Variants in SUSD5 observed in about 807,000 individuals in gnomAD.
SUSD5 encodes sushi domain-containing protein 5.
SUSD5 carries 33 observed loss-of-function variants against 29.5 expected under a neutral mutation model. The ratio of observed to expected loss-of-function variants is 1.12; its 90% CI spans 0.85 to 1.49. SUSD5 has a LOEUF of 1.49. SUSD5 is among the 40% of genes most tolerant of loss of function. The pLI is 0.00. For synonymous variants in SUSD5, 308 were observed against 325.3 expected, an observed-to-expected ratio of 0.95 and a Z score of 0.57; for missense variants, 776 against 800.6, an observed-to-expected ratio of 0.97 and a Z score of 0.37.
At chr3:33,183,139 T>G (rs2031707148) in intron 3 of SUSD5, among the ~76,000 whole-genome samples, 1 of 152,216 alleles carries the variant, frequency 6.6e-6, no homozygotes. Flanking sequence ...TACAGTGGGT[T>G]TCTTATAGAC....
At chr3:33,164,258 T>C (rs748339274) in intron 4 of SUSD5, among the ~76,000 whole-genome samples, 3 of 152,174 alleles carry the variant, frequency 2.0e-5, no homozygotes, top group Non-Finnish European at 2.9e-5. Context: ...TACAGTGTGA[T>C]TCCACTTACA....
intron 1 of SUSD5, among the ~76,000 whole-genome samples, chr3:33,214,958 A>G (rs1322399347): frequency 1.3e-5 from 2 of 152,010 alleles, no homozygotes; most frequent in African/African-American, 2.4e-5. Flanking sequence ...TTTTCATAAT[A>G]TATCAGTGAT....
At chr3:33,175,197 G>A (rs1221585894) in intron 3 of SUSD5, 123 bp from the exon 4 acceptor site, 96 of 1,076,944 alleles carry the variant, frequency 8.9e-5, no homozygotes, top group Non-Finnish European at 1.2e-4. Flanking sequence ...GTGATCACAG[G>A]GGCTGTTTCT....
At chr3:33,193,112 G>A (rs977494328) in intron 3 of SUSD5, among the ~76,000 whole-genome samples, 4 of 152,134 alleles carry the variant, frequency 2.6e-5, no homozygotes, top group African/African-American at 9.7e-5. Context: ...AGTTGCAAGC[G>A]ATGAAGCTAT....
At position 33,198,638 on chromosome 3, in the gene SUSD5, C is replaced by T. The variant is rs187031603; in HGVS notation, c.409+9170G>A. On this transcript the variant is annotated intron_variant, in intron 3 of 4. Transcript: ENST00000309558. Reference sequence around the variant, plus strand: ...TATTCTCACCCCTGTATATCCAGCTCTTATCCCAATCTGTTCAGCCCTATC... The same window carrying T: ...TATTCTCACCCCTGTATATCCAGCTTTTATCCCAATCTGTTCAGCCCTATC... 6.6e-5 allele frequency among the ~76,000 whole-genome samples: 10 copies of T among 152,326 alleles called. 1 individual carries two copies. In the East Asian group the frequency reaches 1.7e-3, roughly 26 times the overall value.
intron 4 of SUSD5, among the ~76,000 whole-genome samples, chr3:33,166,160 T>G (rs1195346181): frequency 6.6e-6 from 1 of 152,060 alleles, no homozygotes; most frequent in Non-Finnish European, 1.5e-5. Context: ...CTAGAAAAAA[T>G]CCTCCTCCAG....
chr3:33,198,888 C>T (rs767115620), intron 3 of SUSD5, among the ~76,000 whole-genome samples: 2 of 152,078 alleles, frequency 1.3e-5, no homozygotes, highest in Non-Finnish European at 2.9e-5. Flanking sequence ...CCATATTTCA[C>T]CCACCCCGGG....
At chr3:33,207,115 C>T (rs2032236991) in intron 3 of SUSD5, among the ~76,000 whole-genome samples, 1 of 152,202 alleles carries the variant, frequency 6.6e-6, no homozygotes, top group South Asian at 2.1e-4. Flanking sequence ...TTTCTCCTCA[C>T]CACTCAGCTG....
At chr3:33,175,380 C>CCTA (rs2031529096) in intron 3 of SUSD5, among the ~76,000 whole-genome samples, 1 of 152,170 alleles carries the variant, frequency 6.6e-6, no homozygotes. Flanking sequence ...GAGATACATA[C>CCTA]CTAGCAGCAA....
chr3:33,155,519 T>C (rs2031030104), intron 4 of SUSD5, among the ~76,000 whole-genome samples: 1 of 152,180 alleles, frequency 6.6e-6, no homozygotes, highest in Non-Finnish European at 1.5e-5. Context: ...AAATTGAACA[T>C]ATGGATGCTC....
chr3:33,182,383 G>A (rs1329555427), intron 3 of SUSD5, among the ~76,000 whole-genome samples: 1 of 152,230 alleles, frequency 6.6e-6, no homozygotes, highest in Non-Finnish European at 1.5e-5. Context: ...AGCCTGAGAA[G>A]AATGTGTAAT....
intron 3 of SUSD5, among the ~76,000 whole-genome samples, chr3:33,178,435 GT>G (rs140737411): frequency 1.4e-5 from 2 of 147,382 alleles, no homozygotes; most frequent in Admixed American, 6.7e-5. Context: ...TTGGTCTGTA[GT>G]TTTTTTTTTG....
At chr3:33,154,911 T>C (rs2031015565) in intron 4 of SUSD5, among the ~76,000 whole-genome samples, 1 of 152,156 alleles carries the variant, frequency 6.6e-6, no homozygotes, top group Non-Finnish European at 1.5e-5. Context: ...TAACTGAATG[T>C]TAAAGTTTAT....
At chr3:33,154,306 TGAA>T (rs1261205566) in intron 4 of SUSD5, among the ~76,000 whole-genome samples, 23 of 152,264 alleles carry the variant, frequency 1.5e-4, no homozygotes, top group African/African-American at 5.1e-4. Flanking sequence ...GTGGATCACT[TGAA>T]GCCAGGAGTT....
intron 1 of SUSD5, among the ~76,000 whole-genome samples, chr3:33,215,216 GA>G (rs2032407010): frequency 6.6e-6 from 1 of 151,938 alleles, no homozygotes; most frequent in Non-Finnish European, 1.5e-5. Context: ...AATCCTTGAG[GA>G]AATTTTAAAC....
chr3:33,160,886 T>C (rs1414163694), intron 4 of SUSD5, among the ~76,000 whole-genome samples: 1 of 151,992 alleles, frequency 6.6e-6, no homozygotes, highest in Non-Finnish European at 1.5e-5. Context: ...CCATACCAAA[T>C]TAAAACTGCT....
At chr3:33,214,506 C>T (rs970186588) in intron 1 of SUSD5, among the ~76,000 whole-genome samples, 2 of 152,056 alleles carry the variant, frequency 1.3e-5, no homozygotes, top group African/African-American at 2.4e-5. Flanking sequence ...CTTCTGCCTC[C>T]CTCAGCCCTA....
intron 3 of SUSD5, among the ~76,000 whole-genome samples, chr3:33,175,530 T>G (rs762362044): frequency 6.6e-6 from 1 of 151,772 alleles, no homozygotes; most frequent in Non-Finnish European, 1.5e-5. Context: ...CGTTATCAGT[T>G]TGGTATACAC....
intron 2 of SUSD5, 136 bp from the exon 3 acceptor site, chr3:33,208,062 G>A (rs2032255758): frequency 3.2e-6 from 2 of 630,656 alleles, no homozygotes. Context: ...GCATAAATCT[G>A]GACACATTCT....
Sources: gnomAD v4.1 joint callset for allele counts (sites outside exome capture counted in the v4.1 genomes callset) on GRCh38, gnomAD v4.1.1 for gene constraint, MANE v1.5 for transcripts, NCBI Gene and HGNC (gene_info 2026-07-23, HGNC 2026-07-21) for gene names.